The following MYO6 variants were observed in gnomAD, a reference collection of about 807,000 sequenced individuals.
The protein encoded by MYO6 is myosin VI.
MYO6 carries 74 observed loss-of-function variants against 178.7 expected under a neutral mutation model. The ratio of observed to expected loss-of-function variants is 0.41; its 90% CI spans 0.34 to 0.50. The LOEUF (loss-of-function observed/expected upper bound fraction) is 0.50. Among genes scored for constraint, MYO6 ranks in the 20% least tolerant of loss-of-function variants. The pLI, the probability that MYO6 is intolerant of heterozygous loss-of-function variation, is 0.09. For missense variants in MYO6, 1,330 were observed against 1,547.4 expected (o/e 0.86, Z 2.36); for synonymous variants, 477 against 504.6 (o/e 0.95, Z 0.73).
chr6:75,763,533 A>T (rs888469485), intron 1 of MYO6, among the ~76,000 whole-genome samples: 2 of 152,226 alleles, frequency 1.3e-5, no homozygotes, highest in Non-Finnish European at 1.5e-5. Context: ...ATTTGATCTT[A>T]TATTGTGCTT....
intron 28 of MYO6, among the ~76,000 whole-genome samples, chr6:75,894,092 G>C (rs1779111743): frequency 6.6e-6 from 1 of 152,136 alleles, no homozygotes; most frequent in South Asian, 2.1e-4. Flanking sequence ...ATTTCTAAGG[G>C]ACTTGTTAAT....
chr6:75,799,712 G>A (rs1283620287), intron 1 of MYO6, among the ~76,000 whole-genome samples: 1 of 152,080 alleles, frequency 6.6e-6, no homozygotes, highest in African/African-American at 2.4e-5. Flanking sequence ...GATGGCTCTT[G>A]TTTCTTGATT....
chr6:75,751,603 AC>A (rs1776900916), intron 1 of MYO6, among the ~76,000 whole-genome samples: 1 of 152,236 alleles, frequency 6.6e-6, no homozygotes. Context: ...GTTTATGTTT[AC>A]GTGGTCAAGT....
At chr6:75,815,699 G>A (rs1387457518) in intron 1 of MYO6, among the ~76,000 whole-genome samples, 2 of 152,230 alleles carry the variant, frequency 1.3e-5, no homozygotes, top group South Asian at 2.1e-4. Flanking sequence ...CAACAAGCAA[G>A]TTGCAAACAT....
At position 75,765,791 on chromosome 6, in the gene MYO6, T is replaced by C. The variant is rs149121560; in HGVS notation, c.-48+16368T>C. On this transcript the variant is annotated intron_variant, in intron 1 of 34. Coordinates refer to ENST00000369977, the MANE Select transcript of MYO6 (RefSeq NM_004999.4). ...GCCAGTAATGCAACACTTTGGGAGG[T>C]TGAGGTGGGAGGATCATTTGAGCCC... 1.5e-3 allele frequency among the ~76,000 whole-genome samples: 220 copies of C among 151,448 alleles called. 3 individuals carry two copies. Among genetic ancestry groups the C allele is most frequent in the African/African-American group, 5.0e-3 (207 of 41,260 alleles).
chr6:75,814,758 C>A (rs569467467), intron 1 of MYO6, among the ~76,000 whole-genome samples: 178 of 151,482 alleles, frequency 1.2e-3, no homozygotes, highest in African/African-American at 4.2e-3. Flanking sequence ...ACTTGGGAGG[C>A]TGAAATAGGA....
rs1230718497 is a variant in MYO6, at chr6:75,919,390, G to C, written c.*4378G>C. 6.6e-6 allele frequency: 1 copy of C among 152,386 alleles called. No homozygotes were observed. Among genetic ancestry groups the C allele is most frequent in the Non-Finnish European group, 1.5e-5 (1 of 68,012 alleles). The allele number at this position is 152,386 out of a possible 1,614,324, so 9.4% of individuals were successfully genotyped here. On this transcript the variant is annotated 3_prime_UTR_variant, in exon 35 of 35. Coordinates refer to ENST00000369977, the MANE Select transcript of MYO6 (RefSeq NM_004999.4). ...CCTTTAAATCACAGGCTTATTAGTT[G>C]GGTGTTTTCTTTTTACTTATGAAAA...
chr6:75,845,570 T>C (rs1455357436), intron 10 of MYO6, among the ~76,000 whole-genome samples: 3 of 151,998 alleles, frequency 2.0e-5, no homozygotes, highest in Non-Finnish European at 4.4e-5. Flanking sequence ...CGTGTATGCC[T>C]ATAGTTCTAG....
chr6:75,769,690 A>G (rs545646985), intron 1 of MYO6, among the ~76,000 whole-genome samples: 36 of 152,240 alleles, frequency 2.4e-4, no homozygotes, highest in African/African-American at 5.3e-4. Context: ...TCACGAGGTC[A>G]GGAGATCGAG....
intron 15 of MYO6, among the ~76,000 whole-genome samples, chr6:75,861,316 G>A (rs1776198027): frequency 6.6e-6 from 1 of 152,076 alleles, no homozygotes; most frequent in Non-Finnish European, 1.5e-5. Flanking sequence ...TATTTATTTT[G>A]AAGGATGTTT....
intron 2 of MYO6, among the ~76,000 whole-genome samples, chr6:75,817,949 C>G (rs533514255): frequency 1.3e-4 from 20 of 152,190 alleles, no homozygotes; most frequent in African/African-American, 3.9e-4. Flanking sequence ...TTCTTAAGAA[C>G]TAGCTGTATG....
intron 1 of MYO6, among the ~76,000 whole-genome samples, chr6:75,793,353 C>T (rs557468849): frequency 6.6e-6 from 1 of 152,026 alleles, no homozygotes; most frequent in African/African-American, 2.4e-5. Flanking sequence ...GCTTGTAATC[C>T]CAGCACTTTA....
At position 75,760,028 on chromosome 6, in the gene MYO6, C is replaced by T. The variant is rs954703836; in HGVS notation, c.-48+10605C>T. 5.3e-5 allele frequency among the ~76,000 whole-genome samples: 8 copies of T among 152,214 alleles called. 1 individual carries two copies. The highest frequency in any genetic ancestry group is 4.1e-4 in the South Asian group (2 of 4,826). ...AAAAATATTTTGGCAATAAGTCTTT[C>T]GCTTTTCTGGAATTTATACTTGTAT... is the stretch of plus-strand genomic sequence containing the variant. On this transcript the variant is annotated intron_variant, in intron 1 of 34. Transcript: ENST00000369977.
intron 29 of MYO6, among the ~76,000 whole-genome samples, chr6:75,898,119 T>G (rs1240662472): frequency 1.3e-5 from 2 of 152,186 alleles, no homozygotes; most frequent in Non-Finnish European, 2.9e-5. Context: ...TTCCTGAGAT[T>G]TTATCTAAAA....
intron 14 of MYO6, among the ~76,000 whole-genome samples, 155 bp from the exon 15 acceptor site, chr6:75,860,868 C>CA (rs1776140618): frequency 6.6e-6 from 1 of 152,110 alleles, no homozygotes; most frequent in Non-Finnish European, 1.5e-5. Context: ...TGCAAGTGTT[C>CA]AAAAATCTGT....
chr6:75,835,867 G>A, intron 6 of MYO6, 34 bp from the exon 7 acceptor site: 2 of 1,247,622 alleles, frequency 1.6e-6, no homozygotes, highest in Non-Finnish European at 2.4e-6. Context: ...CCATATTATT[G>A]TCATCAACAT....
At chr6:75,780,976 C>A (rs2150051414) in intron 1 of MYO6, among the ~76,000 whole-genome samples, 1 of 152,034 alleles carries the variant, frequency 6.6e-6, no homozygotes, top group Non-Finnish European at 1.5e-5. Flanking sequence ...CCACACCTGG[C>A]TAATTTTTGT....
chr6:75,806,976 G>A (rs1196816579), intron 1 of MYO6, among the ~76,000 whole-genome samples: 1 of 152,086 alleles, frequency 6.6e-6, no homozygotes, highest in Non-Finnish European at 1.5e-5. Flanking sequence ...TGACAGAGCT[G>A]GTCTCAGCAC....
At chr6:75,866,279 G>GTGTGTGTGGT (rs1776678210) in intron 16 of MYO6, among the ~76,000 whole-genome samples, 1 of 87,936 alleles carries the variant, frequency 1.1e-5, no homozygotes, top group African/African-American at 2.9e-5. Context: ...CTGTCTCTGT[G>GTGTGTGTGGT]TGTGTGTGTG....
Sources: gnomAD v4.1 joint callset for allele counts (sites outside exome capture counted in the v4.1 genomes callset) on GRCh38, gnomAD v4.1.1 for gene constraint, MANE v1.5 for transcripts, NCBI Gene and HGNC (gene_info 2026-07-23, HGNC 2026-07-21) for gene names.